Variants in ATAD2B observed in about 807,000 individuals in gnomAD.
ATAD2B encodes ATPase family AAA domain containing 2B, also known as ATPase family AAA domain-containing protein 2B.
ATAD2B carries 40 observed loss-of-function variants against 167.6 expected under a neutral mutation model. The observed-to-expected ratio is 0.24, with a 90% CI of 0.19 to 0.31. ATAD2B has a LOEUF of 0.31. ATAD2B is among the 10% of genes least tolerant of loss of function. ATAD2B has a pLI of 1.00. For missense variants in ATAD2B, 1,242 were observed against 1,757.2 expected (o/e 0.71, Z 5.24); for synonymous variants, 579 against 596.5 (o/e 0.97, Z 0.43).
At chr2:23,724,990 C>T in the ATAD2B span, among the ~76,000 whole-genome samples, 5 of 138,602 alleles carry the variant, frequency 3.6e-5, no homozygotes, top group East Asian at 1.1e-3. Context: ...TTGCAGTGAG[C>T]CGAGATCTCG....
intron 1 of ATAD2B, 128 bp downstream of exon 1, chr2:23,926,427 G>A (rs1343783031): frequency 1.8e-5 from 25 of 1,419,474 alleles, no homozygotes; most frequent in Non-Finnish European, 2.0e-5. Context: ...CACCGCGCCC[G>A]CAGACCCTGT....
the ATAD2B span, among the ~76,000 whole-genome samples, chr2:23,736,226 A>AAC: frequency 6.6e-6 from 1 of 150,432 alleles, no homozygotes; most frequent in Non-Finnish European, 1.5e-5. Flanking sequence ...TCCATAAAGG[A>AAC]ACCCCCCCCA....
At position 23,757,725 on chromosome 2, in the gene ATAD2B, G is replaced by A; in HGVS notation, c.3771C>T (p.Ser1257=). The A allele has an allele frequency of 6.2e-7, 1 of 1,611,276 alleles. No homozygotes were observed. Among genetic ancestry groups the A allele is most frequent in the Middle Eastern group, 1.7e-4 (1 of 6,032 alleles). Reference sequence around the variant, plus strand: ...TTCCTTTAAGGAAAGTCTCTTTCCTGGAGGTCTGCTCCGGGTTTAAGGAAC... The same window carrying A: ...TTCCTTTAAGGAAAGTCTCTTTCCTAGAGGTCTGCTCCGGGTTTAAGGAAC... The part of the protein sequence containing the change: ...SSSSLNPEQT[S]RKETFLKGNC... Residue 1257 remains serine (S), a synonymous_variant, in exon 25 of 28, where the codon TCC becomes TCT. Coordinates refer to ENST00000238789, the MANE Select transcript of ATAD2B (RefSeq NM_017552.4).
At chr2:23,925,559 C>G (rs185949333) in intron 1 of ATAD2B, among the ~76,000 whole-genome samples, 12 of 152,280 alleles carry the variant, frequency 7.9e-5, no homozygotes, top group African/African-American at 2.6e-4. Flanking sequence ...GCAAGTCAAC[C>G]TCTTTTAGAC....
At chr2:23,801,071 T>A (rs1467119041) in intron 18 of ATAD2B, among the ~76,000 whole-genome samples, 1 of 152,162 alleles carries the variant, frequency 6.6e-6, no homozygotes, top group East Asian at 1.9e-4. Context: ...AGCTTTCTTT[T>A]AAATTCCTTA....
intron 1 of ATAD2B, among the ~76,000 whole-genome samples, chr2:23,926,152 T>C (rs1239442167): frequency 6.6e-6 from 1 of 152,164 alleles, no homozygotes; most frequent in Admixed American, 6.5e-5. Context: ...ACTGACACAC[T>C]TTCAAGAAGG....
rs773245085 is a variant in ATAD2B at position 23,786,192 on chromosome 2, T to G, written c.2808A>C (p.Ala936=). ...ATAATTGACGAGGTGGAGAAGGTAG[T>G]GCAAGAGGAAGCACTTCCATAGCAC... The part of the protein sequence containing the change: ...ALCAMEVLPL[A]LPSPPRQLSE... Residue 936 remains alanine (A), a synonymous_variant, in exon 21 of 28, where the codon GCA becomes GCC. Transcript: ENST00000238789. 1 of 1,588,738 alleles carries G rather than the reference T, an allele frequency of 6.3e-7. No individual in the cohort carries two copies. Among genetic ancestry groups the G allele is most frequent in the Non-Finnish European group, 8.6e-7 (1 of 1,166,870 alleles).
intron 18 of ATAD2B, among the ~76,000 whole-genome samples, 170 bp from the exon 19 acceptor site, chr2:23,798,493 C>T (rs1401412621): frequency 6.6e-6 from 1 of 151,186 alleles, no homozygotes; most frequent in Non-Finnish European, 1.5e-5. Flanking sequence ...TCAATCTACC[C>T]TTGCCCCACC....
At chr2:23,845,868 C>T (rs1691710586) in intron 13 of ATAD2B, among the ~76,000 whole-genome samples, 1 of 143,370 alleles carries the variant, frequency 7.0e-6, no homozygotes, top group African/African-American at 2.6e-5. Flanking sequence ...GCAAGAGTAA[C>T]TGCACCCCAC....
chr2:23,743,404 G>T, the ATAD2B span, among the ~76,000 whole-genome samples: 1 of 151,634 alleles, frequency 6.6e-6, no homozygotes, highest in African/African-American at 2.4e-5. Context: ...CCATCTCTGC[G>T]AAATAAAAAT....
intron 9 of ATAD2B, among the ~76,000 whole-genome samples, chr2:23,869,331 A>AT (rs1473434135): frequency 6.6e-6 from 1 of 152,244 alleles, no homozygotes; most frequent in Non-Finnish European, 1.5e-5. Flanking sequence ...TGTAATCATT[A>AT]TAAGTACCTA....
At chr2:23,885,439 G>T (rs566487936) in intron 5 of ATAD2B, among the ~76,000 whole-genome samples, 1 of 152,280 alleles carries the variant, frequency 6.6e-6, no homozygotes, top group South Asian at 2.1e-4. Flanking sequence ...AATCTTCAGT[G>T]CACAACAAAA....
intron 9 of ATAD2B, among the ~76,000 whole-genome samples, chr2:23,868,710 G>C (rs1482000994): frequency 6.6e-6 from 1 of 150,640 alleles, no homozygotes; most frequent in Non-Finnish European, 1.5e-5. Context: ...TTCATCTTTT[G>C]TGTAACTACC....
intron 1 of ATAD2B, among the ~76,000 whole-genome samples, chr2:23,905,286 G>A (rs917550203): frequency 1.3e-5 from 2 of 152,124 alleles, no homozygotes; most frequent in South Asian, 2.1e-4. Context: ...GGGAGGCTGA[G>A]GTAAAAGGAT....
intron 13 of ATAD2B, among the ~76,000 whole-genome samples, chr2:23,852,029 G>T (rs1692652422): frequency 6.6e-6 from 1 of 151,992 alleles, no homozygotes; most frequent in Non-Finnish European, 1.5e-5. Context: ...AAAAATGTAT[G>T]TAAATTTCTT....
intron 13 of ATAD2B, among the ~76,000 whole-genome samples, chr2:23,842,741 C>G (rs181854031): frequency 6.6e-6 from 1 of 152,140 alleles, no homozygotes; most frequent in Non-Finnish European, 1.5e-5. Flanking sequence ...CTACCCAGAT[C>G]TCTAGCTGGT....
intron 13 of ATAD2B, 41 bp downstream of exon 13, chr2:23,857,374 C>A (rs370024517): frequency 2.6e-6 from 3 of 1,143,266 alleles, no homozygotes; most frequent in African/African-American, 1.6e-5. Context: ...CAAGTCAATG[C>A]GTAAAAAAGA....
Position 23,762,279 on chromosome 2 carries a change from G to C in ATAD2B, c.3324C>G (p.Val1108=). The part of the protein sequence containing the change: ...STGARKTETR[V]EEAFRHKQRN... ...TTTGTTTGTGCCGAAATGCCTCTTCGACTCTAGTTTCTGTCTTCCGAGCTC... is the reference window on the plus strand; with the variant it reads ...TTTGTTTGTGCCGAAATGCCTCTTCCACTCTAGTTTCTGTCTTCCGAGCTC... The change falls in exon 24 of 28, where the codon GTC becomes GTG. Residue 1108 remains valine (V), a synonymous_variant. Transcript: ENST00000238789. The C allele has an allele frequency of 6.2e-7, 1 of 1,613,318 alleles. No individual in the cohort carries two copies. Among genetic ancestry groups the C allele is most frequent in the Non-Finnish European group, 8.5e-7 (1 of 1,179,684 alleles).
At chr2:23,858,506 T>C (rs1693810803) in intron 12 of ATAD2B, among the ~76,000 whole-genome samples, 2 of 145,820 alleles carry the variant, frequency 1.4e-5, no homozygotes, top group South Asian at 2.2e-4. Flanking sequence ...TTTTTTTTTT[T>C]CTTCAGACAG....
Sources: gnomAD v4.1 joint callset for allele counts (sites outside exome capture counted in the v4.1 genomes callset) on GRCh38, gnomAD v4.1.1 for gene constraint, MANE v1.5 for transcripts, NCBI Gene and HGNC (gene_info 2026-07-23, HGNC 2026-07-21) for gene names.